The following SLC39A11 variants were observed in gnomAD, a reference collection of about 807,000 sequenced individuals.
SLC39A11 encodes solute carrier family 39 member 11.
In SLC39A11, 33 loss-of-function variants were observed where a neutral mutation model predicts 36.1. The observed-to-expected ratio is 0.91, with a 90% CI of 0.69 to 1.22. The LOEUF (loss-of-function observed/expected upper bound fraction) is 1.22, where lower values mean the gene tolerates loss of function less well. Among genes scored for constraint, SLC39A11 ranks in the 50% most tolerant of loss-of-function variants. SLC39A11 has a pLI of 0.00. For synonymous variants in SLC39A11, 166 were observed against 170.3 expected (o/e 0.97, Z 0.20); for missense variants, 432 against 430.3 (o/e 1.00, Z -0.03).
intron 6 of SLC39A11, among the ~76,000 whole-genome samples, chr17:72,781,923 CTCTGCACTG>C (rs4036982): frequency 0.021 from 3,131 of 152,042 alleles, 77 homozygotes; most frequent in African/African-American, 0.056. Flanking sequence ...AAAAGGACTC[CTCTGCACTG>C]TAGTGGGTTG....
chr17:72,949,988 CACACACA>C (rs745747924), intron 4 of SLC39A11, among the ~76,000 whole-genome samples: 5 of 147,424 alleles, frequency 3.4e-5, no homozygotes, highest in Non-Finnish European at 6.0e-5. Context: ...CACACACACA[CACACACA>C]CCCCTTCTTG....
chr17:72,914,053 G>A (rs924591194), intron 5 of SLC39A11, among the ~76,000 whole-genome samples: 1 of 147,542 alleles, frequency 6.8e-6, no homozygotes. Context: ...GGTGACTCAC[G>A]CCTGTAATCC....
intron 6 of SLC39A11, among the ~76,000 whole-genome samples, chr17:72,741,254 AC>A (rs2074687268): frequency 6.6e-6 from 1 of 151,808 alleles, no homozygotes; most frequent in Admixed American, 6.6e-5. Flanking sequence ...AGATGGTCTC[AC>A]TAAGTTGTCC....
In SLC39A11 at chr17:72,745,680, G is replaced by A. The variant is rs112552574; in HGVS notation, c.602-8961C>T. 1.4e-3 allele frequency among the ~76,000 whole-genome samples: 219 copies of A among 152,214 alleles called. 2 individuals are homozygous for A. The highest frequency in any genetic ancestry group is 6.8e-3 in the Middle Eastern group (2 of 294). ...ATGTCACTAAATCTCTCTGTTCCAC[G>A]CCATTTGTTCTCCAACTGGGCCTCT... On this transcript the variant is annotated intron_variant, in intron 6 of 9. Transcript: ENST00000255559.
chr17:73,082,941 G>A (rs149738586), intron 3 of SLC39A11, among the ~76,000 whole-genome samples: 3,800 of 149,964 alleles, frequency 0.025, 64 homozygotes, highest in Middle Eastern at 0.061. Flanking sequence ...GTTTGAACTC[G>A]GGAGGCGGAG....
intron 7 of SLC39A11, among the ~76,000 whole-genome samples, chr17:72,714,574 T>A (rs1417203171): frequency 6.6e-6 from 1 of 152,148 alleles, no homozygotes; most frequent in Non-Finnish European, 1.5e-5. Context: ...ACGCAACCAG[T>A]ACCACCCAAG....
chr17:72,889,554 G>A (rs1043110558), intron 5 of SLC39A11, among the ~76,000 whole-genome samples: 1 of 150,036 alleles, frequency 6.7e-6, no homozygotes, highest in Non-Finnish European at 1.5e-5. Context: ...AAAAAAATAC[G>A]TTAAATAACA....
At chr17:73,021,311 G>A (rs753938305) in intron 4 of SLC39A11, among the ~76,000 whole-genome samples, 1 of 152,070 alleles carries the variant, frequency 6.6e-6, no homozygotes, top group Non-Finnish European at 1.5e-5. Context: ...GTGAAGATTA[G>A]ATGCATACTC....
chr17:72,843,215 T>A (rs1323342382), intron 6 of SLC39A11, among the ~76,000 whole-genome samples: 1 of 152,200 alleles, frequency 6.6e-6, no homozygotes, highest in East Asian at 1.9e-4. Flanking sequence ...CCCGAAGTGC[T>A]GGGATTACAG....
At chr17:73,017,577 G>A (rs2148556529) in intron 4 of SLC39A11, among the ~76,000 whole-genome samples, 1 of 152,248 alleles carries the variant, frequency 6.6e-6, no homozygotes, top group East Asian at 1.9e-4. Context: ...GCTGGGCGTG[G>A]TGGCACGTGC....
At chr17:73,022,141 C>G (rs371118755) in intron 4 of SLC39A11, among the ~76,000 whole-genome samples, 2 of 152,238 alleles carry the variant, frequency 1.3e-5, no homozygotes, top group Non-Finnish European at 1.5e-5. Context: ...ACAGCTAACA[C>G]ACATGGGCAT....
chr17:72,938,057 T>G (rs1238553889), intron 5 of SLC39A11, among the ~76,000 whole-genome samples: 3 of 152,178 alleles, frequency 2.0e-5, no homozygotes, highest in African/African-American at 7.2e-5. Context: ...GTTACGACCC[T>G]CAAAATCACG....
At chr17:72,912,012 C>T (rs566647858) in intron 5 of SLC39A11, among the ~76,000 whole-genome samples, 1 of 152,032 alleles carries the variant, frequency 6.6e-6, no homozygotes. Flanking sequence ...TTCTGAGCAA[C>T]GTGATGGGAT....
intron 6 of SLC39A11, among the ~76,000 whole-genome samples, chr17:72,772,160 T>A (rs1419326604): frequency 6.6e-6 from 1 of 152,136 alleles, no homozygotes; most frequent in East Asian, 1.9e-4. Context: ...GCTACAGGAC[T>A]AATCTTCAGG....
intron 5 of SLC39A11, among the ~76,000 whole-genome samples, chr17:72,868,605 G>A (rs1224293575): frequency 1.9e-5 from 2 of 104,308 alleles, no homozygotes; most frequent in Non-Finnish European, 3.5e-5. Flanking sequence ...AATATAGTGA[G>A]CCCCTGTCTC....
At chr17:72,826,948 C>T (rs867464961) in intron 6 of SLC39A11, among the ~76,000 whole-genome samples, 1 of 152,128 alleles carries the variant, frequency 6.6e-6, no homozygotes, top group Non-Finnish European at 1.5e-5. Context: ...ACATTTTCCT[C>T]AAAAGGGCAA....
intron 5 of SLC39A11, among the ~76,000 whole-genome samples, chr17:72,922,960 CAAAA>C (rs10645750): frequency 4.5e-5 from 2 of 44,078 alleles, no homozygotes; most frequent in Admixed American, 2.6e-4. Context: ...GACTCCTTCT[CAAAA>C]AAAAAAAAAA....
At chr17:72,812,927 G>A (rs978276025) in intron 6 of SLC39A11, among the ~76,000 whole-genome samples, 9 of 142,284 alleles carry the variant, frequency 6.3e-5, no homozygotes, top group South Asian at 2.1e-4. Flanking sequence ...TACACAGTCC[G>A]ATGAACAAGC....
chr17:73,018,354 G>T (rs1041055101), intron 4 of SLC39A11, among the ~76,000 whole-genome samples: 1 of 152,074 alleles, frequency 6.6e-6, no homozygotes, highest in Non-Finnish European at 1.5e-5. Flanking sequence ...TTCAAGACCA[G>T]CCTGGCCAAC....
Sources: allele counts gnomAD v4.1 joint callset (sites outside exome capture counted in the v4.1 genomes callset), GRCh38; gene constraint gnomAD v4.1.1; transcripts MANE v1.5; gene names NCBI Gene and HGNC (gene_info 2026-07-23, HGNC 2026-07-21).